Variants in PRKG1 observed in about 807,000 individuals in gnomAD.
The protein encoded by PRKG1 is protein kinase cGMP-dependent 1.
In PRKG1, 35 loss-of-function variants were observed where a neutral mutation model predicts 88.1. That is an observed-to-expected ratio of 0.40 (90% confidence interval 0.30 to 0.53). The LOEUF (loss-of-function observed/expected upper bound fraction) is 0.53. Ranked by LOEUF, PRKG1 falls within the 20% of genes least tolerant of loss-of-function variation. The probability of loss-of-function intolerance (pLI) is 0.59; values close to 1 mark genes in which losing one functional copy is unlikely to be tolerated. For missense variants in PRKG1, 540 were observed against 839.8 expected, an observed-to-expected ratio of 0.64 and a Z score of 4.41; for synonymous variants, 303 against 292.5, an observed-to-expected ratio of 1.04 and a Z score of -0.37.
chr10:51,336,024 G>C (rs551881647), intron 2 of PRKG1, among the ~76,000 whole-genome samples: 1 of 152,122 alleles, frequency 6.6e-6, no homozygotes, highest in Non-Finnish European at 1.5e-5. Flanking sequence ...TAAAAAGTAG[G>C]AAAGAATGTT....
chr10:51,462,350 T>C (rs1839768780), intron 2 of PRKG1, among the ~76,000 whole-genome samples: 1 of 152,180 alleles, frequency 6.6e-6, no homozygotes, highest in Non-Finnish European at 1.5e-5. Context: ...ATTCTACTTA[T>C]CATGAAAGTC....
chr10:51,108,998 A>C (rs1005593818), intron 1 of PRKG1, among the ~76,000 whole-genome samples: 1 of 152,156 alleles, frequency 6.6e-6, no homozygotes, highest in Non-Finnish European at 1.5e-5. Flanking sequence ...CAATATCATA[A>C]AAATATAAAA....
intron 2 of PRKG1, among the ~76,000 whole-genome samples, chr10:51,201,322 G>A (rs1837907297): frequency 6.6e-6 from 1 of 152,022 alleles, no homozygotes; most frequent in African/African-American, 2.4e-5. Flanking sequence ...CGTGGTGGCA[G>A]TTGCCTGTAA....
At chr10:52,011,611 G>A (rs770322869) in intron 5 of PRKG1, among the ~76,000 whole-genome samples, 6 of 152,052 alleles carry the variant, frequency 3.9e-5, no homozygotes, top group Non-Finnish European at 8.8e-5. Flanking sequence ...TAGAACAAAT[G>A]TGTACTCCTC....
chr10:51,967,556 T>TA lies in PRKG1; in HGVS notation c.762+59998dup, dbSNP rs1017856132. On this transcript the variant is annotated intron_variant, in intron 5 of 17. Coordinates refer to ENST00000373980, the MANE Select transcript of PRKG1 (RefSeq NM_006258.4). ...CACATGTACCCTAAAACCTAAAGTA[T>TA]AAAAAAAAAAAAGATTGTTTTCTAA... 6.5e-3 allele frequency among the ~76,000 whole-genome samples: 918 copies of TA among 141,136 alleles called. 8 individuals are homozygous for TA. The highest frequency in any genetic ancestry group is 0.021 in the African/African-American group (811 of 38,356). 92.6% of individuals were successfully genotyped at this position (141,136 alleles called of 152,430 possible).
intron 3 of PRKG1, among the ~76,000 whole-genome samples, chr10:51,547,285 A>G (rs1445051261): frequency 1.3e-5 from 2 of 152,148 alleles, no homozygotes; most frequent in African/African-American, 2.4e-5. Context: ...CCTATAAAAT[A>G]TATCAGTCAA....
chr10:51,859,511 C>CA (rs903048375), intron 4 of PRKG1, among the ~76,000 whole-genome samples: 5 of 148,632 alleles, frequency 3.4e-5, no homozygotes, highest in South Asian at 2.2e-4. Context: ...CTGACCACAT[C>CA]AAAAAAAGGA....
intron 4 of PRKG1, among the ~76,000 whole-genome samples, chr10:51,814,430 G>A (rs925845436): frequency 7.1e-6 from 1 of 141,044 alleles, no homozygotes; most frequent in South Asian, 2.2e-4. Flanking sequence ...GGGGCTGTTA[G>A]AACTTAATTT....
At chr10:51,572,245 C>G (rs1398531658) in intron 3 of PRKG1, among the ~76,000 whole-genome samples, 1 of 151,818 alleles carries the variant, frequency 6.6e-6, no homozygotes, top group Non-Finnish European at 1.5e-5. Flanking sequence ...CAGCCATACA[C>G]TGTGCCATGT....
At chr10:52,128,288 G>A (rs1438370742) in intron 7 of PRKG1, 2 of 985,268 alleles carry the variant, frequency 2.0e-6, no homozygotes, top group African/African-American at 1.7e-5. Flanking sequence ...GAGCTGAAAA[G>A]GGAGAGCCCC....
At chr10:51,091,663 G>A (rs1844401012) in intron 1 of PRKG1, among the ~76,000 whole-genome samples, 1 of 152,132 alleles carries the variant, frequency 6.6e-6, no homozygotes, top group African/African-American at 2.4e-5. Context: ...GAAGCATTTA[G>A]TTTTGTGCCT....
intron 1 of PRKG1, among the ~76,000 whole-genome samples, chr10:51,012,565 T>A (rs1843006401): frequency 6.6e-6 from 1 of 152,128 alleles, no homozygotes; most frequent in African/African-American, 2.4e-5. Flanking sequence ...TATTCAGAAT[T>A]AAGGCACGCA....
intron 3 of PRKG1, among the ~76,000 whole-genome samples, chr10:51,570,634 T>C (rs75409994): frequency 0.055 from 8,375 of 151,992 alleles, 351 homozygotes; most frequent in Middle Eastern, 0.088. Flanking sequence ...AATTATATAC[T>C]TAAACCATTG....
chr10:51,982,438 T>C (rs779642420), intron 5 of PRKG1, among the ~76,000 whole-genome samples: 1 of 152,260 alleles, frequency 6.6e-6, no homozygotes, highest in Non-Finnish European at 1.5e-5. Context: ...CTTATCTTTA[T>C]GGGCTGATGT....
chr10:51,505,050 C>A (rs375897556), intron 3 of PRKG1, among the ~76,000 whole-genome samples: 5 of 151,238 alleles, frequency 3.3e-5, no homozygotes, highest in Non-Finnish European at 7.4e-5. Flanking sequence ...GTCTTGTGCC[C>A]GTTTTCAAAG....
chr10:52,196,207 G>A (rs936983830), intron 9 of PRKG1, among the ~76,000 whole-genome samples: 2 of 151,814 alleles, frequency 1.3e-5, no homozygotes, highest in Non-Finnish European at 2.9e-5. Context: ...TAGTAGAGAC[G>A]GGGTTTCACC....
At chr10:51,271,643 A>G (rs1158668118) in intron 2 of PRKG1, among the ~76,000 whole-genome samples, 3 of 152,154 alleles carry the variant, frequency 2.0e-5, no homozygotes, top group African/African-American at 4.8e-5. Flanking sequence ...AAATCTGAAT[A>G]TTACTTTCAT....
intron 5 of PRKG1, among the ~76,000 whole-genome samples, chr10:52,045,414 T>C (rs1272298652): frequency 6.6e-6 from 1 of 152,122 alleles, no homozygotes; most frequent in Non-Finnish European, 1.5e-5. Context: ...GTAGCTAGAA[T>C]GCATCACAAC....
intron 5 of PRKG1, among the ~76,000 whole-genome samples, chr10:51,951,326 G>A (rs1843178908): frequency 6.6e-6 from 1 of 152,206 alleles, no homozygotes; most frequent in Non-Finnish European, 1.5e-5. Context: ...ATTGATTAAA[G>A]CTATGAGGCA....
Sources: allele counts gnomAD v4.1 joint callset (sites outside exome capture counted in the v4.1 genomes callset), GRCh38; gene constraint gnomAD v4.1.1; transcripts MANE v1.5; gene names NCBI Gene and HGNC (gene_info 2026-07-23, HGNC 2026-07-21).